The following NECAB1 variants were observed in gnomAD, a reference collection of about 807,000 sequenced individuals.
NECAB1 encodes N-terminal EF-hand calcium-binding protein 1.
In NECAB1, 29 loss-of-function variants were observed where a neutral mutation model predicts 57.5. The ratio of observed to expected loss-of-function variants is 0.50; its 90% CI spans 0.38 to 0.69. NECAB1 has a LOEUF of 0.69. NECAB1 is among the 30% of genes least tolerant of loss of function. The pLI is 0.00. For synonymous variants in NECAB1, 142 were observed against 147.7 expected, an observed-to-expected ratio of 0.96 and a Z score of 0.28; for missense variants, 372 against 413.8, an observed-to-expected ratio of 0.90 and a Z score of 0.88.
At chr8:90,941,164 C>T (rs1484920136) in intron 10 of NECAB1, among the ~76,000 whole-genome samples, 1 of 152,212 alleles carries the variant, frequency 6.6e-6, no homozygotes, top group Non-Finnish European at 1.5e-5. Context: ...AATAGAACAA[C>T]TTGAATGAAG....
intron 1 of NECAB1, among the ~76,000 whole-genome samples, chr8:90,794,098 G>C (rs1563488876): frequency 6.6e-6 from 1 of 152,072 alleles, no homozygotes; most frequent in Non-Finnish European, 1.5e-5. Context: ...TAAAATGCTA[G>C]AGTCTACAAA....
chr8:90,869,347 G>T (rs1808577902), intron 3 of NECAB1, among the ~76,000 whole-genome samples: 2 of 152,204 alleles, frequency 1.3e-5, no homozygotes, highest in Non-Finnish European at 2.9e-5. Context: ...TGAGAAGAGG[G>T]CCATCATCGT....
intron 5 of NECAB1, 89 bp downstream of exon 5, chr8:90,881,219 T>G: frequency 1.2e-6 from 1 of 837,176 alleles, no homozygotes. Context: ...CAACTATAGA[T>G]TCTTTATTAT....
intron 5 of NECAB1, among the ~76,000 whole-genome samples, chr8:90,887,545 T>C (rs975992462): frequency 7.2e-5 from 11 of 152,284 alleles, no homozygotes; most frequent in African/African-American, 2.6e-4. Flanking sequence ...TACATTGATA[T>C]AGGCCAGAAA....
intron 5 of NECAB1, among the ~76,000 whole-genome samples, chr8:90,898,553 C>T (rs1809419533): frequency 6.6e-6 from 1 of 152,178 alleles, no homozygotes; most frequent in Non-Finnish European, 1.5e-5. Context: ...AGCCTAGTTG[C>T]TGCTTGGACT....
chr8:90,847,840 G>A (rs536464001), intron 3 of NECAB1, among the ~76,000 whole-genome samples: 74 of 152,340 alleles, frequency 4.9e-4, no homozygotes, highest in African/African-American at 1.5e-3. Flanking sequence ...GCTGCACACA[G>A]CAGGGGCCTC....
chr8:90,833,813 C>A (rs1474838968), intron 3 of NECAB1, among the ~76,000 whole-genome samples: 1 of 152,104 alleles, frequency 6.6e-6, no homozygotes, highest in East Asian at 1.9e-4. Flanking sequence ...ACATTTTTCT[C>A]AAGAATGGTC....
intron 3 of NECAB1, among the ~76,000 whole-genome samples, chr8:90,866,840 T>TGTGC (rs1014224142): frequency 1.3e-5 from 2 of 152,184 alleles, no homozygotes; most frequent in African/African-American, 4.8e-5. Context: ...TGGAAGACAG[T>TGTGC]GTGCGATTCC....
chr8:90,936,469 G>T (rs921837042), intron 9 of NECAB1, among the ~76,000 whole-genome samples: 2 of 152,112 alleles, frequency 1.3e-5, no homozygotes, highest in Non-Finnish European at 2.9e-5. Flanking sequence ...TTTTATCAAT[G>T]AAGAAATTAA....
intron 6 of NECAB1, among the ~76,000 whole-genome samples, chr8:90,921,123 T>A (rs1364003917): frequency 6.6e-6 from 1 of 152,096 alleles, no homozygotes; most frequent in African/African-American, 2.4e-5. Flanking sequence ...TTCAAGCAAT[T>A]CTCCTGTCTT....
chr8:90,927,283 G>C (rs1810297741), intron 7 of NECAB1, among the ~76,000 whole-genome samples: 1 of 145,452 alleles, frequency 6.9e-6, no homozygotes, highest in East Asian at 2.0e-4. Flanking sequence ...GGCCTTGAAA[G>C]GTGCTTCCTC....
chr8:90,907,063 C>A (rs1002570884), intron 5 of NECAB1, among the ~76,000 whole-genome samples: 1 of 148,114 alleles, frequency 6.8e-6, no homozygotes, highest in Non-Finnish European at 1.5e-5. Context: ...TTTCCCATAT[C>A]ATATATATTT....
At chr8:90,816,047 G>A (rs754794516) in intron 2 of NECAB1, among the ~76,000 whole-genome samples, 1 of 151,626 alleles carries the variant, frequency 6.6e-6, no homozygotes, top group Non-Finnish European at 1.5e-5. Flanking sequence ...GCCAAAAATT[G>A]GTATTATCAG....
intron 5 of NECAB1, among the ~76,000 whole-genome samples, chr8:90,911,322 A>C (rs1371531619): frequency 6.6e-6 from 1 of 152,154 alleles, no homozygotes; most frequent in Non-Finnish European, 1.5e-5. Flanking sequence ...TCTAGAAAAC[A>C]AGATGTTCTA....
intron 12 of NECAB1, among the ~76,000 whole-genome samples, chr8:90,955,149 T>TATATATATATATAC (rs1207769194): frequency 7.3e-6 from 1 of 136,822 alleles, no homozygotes; most frequent in African/African-American, 2.7e-5. Flanking sequence ...TATATATATA[T>TATATATATATATAC]GGCCTAACTA....
chr8:90,952,279 G>A (rs754547359), intron 12 of NECAB1, among the ~76,000 whole-genome samples: 9 of 152,046 alleles, frequency 5.9e-5, no homozygotes, highest in South Asian at 2.1e-4. Context: ...AGTTGCAGAT[G>A]TAATTTTCAG....
Position 90,801,673 on chromosome 8 carries a change from T to A in NECAB1, c.100-18T>A, listed in dbSNP as rs544625523. The A allele has an allele frequency of 2.0e-6, 3 of 1,504,796 alleles. No homozygotes were observed. Among genetic ancestry groups the A allele is most frequent in the Non-Finnish European group, 2.7e-6 (3 of 1,116,228 alleles). 93.2% of individuals were successfully genotyped at this position (1,504,796 alleles called of 1,614,324 possible). A position where few individuals can be genotyped will look rare whatever the true frequency, so the allele number is the denominator to read the frequency against. On this transcript the variant is annotated intron_variant, in intron 1 of 12. Coordinates refer to ENST00000417640, the MANE Select transcript of NECAB1 (RefSeq NM_022351.5). Reference sequence around the variant, plus strand: ...TTATCTAAAATGCTGATAAAATTTTTTCCTTTTTCCTTTCCAGATACTGAG... The same window carrying A: ...TTATCTAAAATGCTGATAAAATTTTATCCTTTTTCCTTTCCAGATACTGAG...
intron 9 of NECAB1, among the ~76,000 whole-genome samples, chr8:90,937,790 C>A (rs1464493734): frequency 6.6e-6 from 1 of 152,218 alleles, no homozygotes; most frequent in Non-Finnish European, 1.5e-5. Context: ...GCTTATCATA[C>A]AATGAGTCTA....
intron 7 of NECAB1, 61 bp from the exon 8 acceptor site, chr8:90,928,162 C>A: frequency 7.9e-7 from 1 of 1,261,674 alleles, no homozygotes; most frequent in South Asian, 1.3e-5. Flanking sequence ...CTGATATAAC[C>A]AAGCATTTCT....
Sources: allele counts gnomAD v4.1 joint callset (sites outside exome capture counted in the v4.1 genomes callset), GRCh38; gene constraint gnomAD v4.1.1; transcripts MANE v1.5; gene names NCBI Gene and HGNC (gene_info 2026-07-23, HGNC 2026-07-21).